Variants in COL11A1 observed in about 807,000 individuals in gnomAD.
The protein encoded by COL11A1 is collagen alpha-1(XI) chain.
Under a neutral mutation model 265.2 loss-of-function variants are expected in COL11A1, and 74 were observed. The ratio of observed to expected loss-of-function variants is 0.28; its 90% confidence interval spans 0.23 to 0.34. COL11A1 has a LOEUF of 0.34. Ranked by LOEUF, COL11A1 falls within the 10% of genes least tolerant of loss-of-function variation. COL11A1 has a pLI of 1.00. For synonymous variants in COL11A1, 816 were observed against 727.6 expected, an observed-to-expected ratio of 1.12 and a Z score of -1.96; for missense variants, 2,165 against 2,263.6, an observed-to-expected ratio of 0.96 and a Z score of 0.88.
chr1:103,050,740 CT>C (rs1423417285), intron 4 of COL11A1, among the ~76,000 whole-genome samples: 3 of 152,000 alleles, frequency 2.0e-5, no homozygotes, highest in Admixed American at 6.5e-5. Context: ...TTTTATCTAC[CT>C]TTGGTCTTTG....
intron 38 of COL11A1, 149 bp downstream of exon 38, chr1:102,965,338 A>C: frequency 1.3e-6 from 1 of 791,582 alleles, no homozygotes; most frequent in African/African-American, 1.7e-5. Flanking sequence ...CATTTGATGT[A>C]CGAAAGCTGC....
intron 7 of COL11A1, 75 bp downstream of exon 7, chr1:103,025,446 C>T: frequency 9.8e-7 from 1 of 1,016,154 alleles, no homozygotes; most frequent in East Asian, 2.4e-5. Context: ...TAGATTCTTC[C>T]AGAGTGAAGT....
chr1:102,951,434 A>G (rs1218863813), intron 41 of COL11A1, among the ~76,000 whole-genome samples: 1 of 152,216 alleles, frequency 6.6e-6, no homozygotes, highest in Non-Finnish European at 1.5e-5. Flanking sequence ...GTGGTGGCTC[A>G]CACCTGTAAT....
chr1:103,102,864 TG>T (rs1269849434), intron 1 of COL11A1, among the ~76,000 whole-genome samples: 2 of 151,994 alleles, frequency 1.3e-5, no homozygotes, highest in African/African-American at 4.8e-5. Flanking sequence ...CTTAATTTGG[TG>T]GGAATACTAG....
intron 23 of COL11A1, 82 bp downstream of exon 23, chr1:103,002,346 A>G (rs1381747118): frequency 8.3e-7 from 1 of 1,201,458 alleles, no homozygotes; most frequent in Non-Finnish European, 1.2e-6. Flanking sequence ...TACATAGAAA[A>G]TTGTGAGACT....
At chr1:102,887,583 C>T (rs12023984) in intron 62 of COL11A1, among the ~76,000 whole-genome samples, 1 of 151,844 alleles carries the variant, frequency 6.6e-6, no homozygotes, top group Admixed American at 6.6e-5. Context: ...CAATGCAACC[C>T]GACTTGAATT....
At chr1:102,964,901 A>G (rs1470499805) in intron 38 of COL11A1, among the ~76,000 whole-genome samples, 1 of 152,200 alleles carries the variant, frequency 6.6e-6, no homozygotes, top group Admixed American at 6.5e-5. Flanking sequence ...ACTATAACTC[A>G]GGATACTGCA....
intron 2 of COL11A1, among the ~76,000 whole-genome samples, chr1:103,082,326 G>A (rs1312222953): frequency 6.6e-6 from 1 of 151,860 alleles, no homozygotes; most frequent in East Asian, 1.9e-4. Flanking sequence ...TCTTTCAACA[G>A]AAACATTTAC....
intron 41 of COL11A1, among the ~76,000 whole-genome samples, chr1:102,952,427 C>T (rs1010817351): frequency 2.6e-5 from 4 of 152,100 alleles, no homozygotes; most frequent in Non-Finnish European, 5.9e-5. Context: ...TATTTAAAAG[C>T]TTAACTGTTT....
rs1473339127 is a variant in COL11A1, at chr1:103,069,647, TATATC to T, written c.651+4966_651+4970del. Among the ~76,000 whole-genome samples the T allele has an allele frequency of 2.6e-5, 4 of 151,748 alleles. No individual in the cohort carries two copies. The East Asian group carries it at 7.7e-4, about 29-fold the overall frequency. On this transcript the variant is annotated intron_variant, in intron 4 of 66. Transcript: ENST00000370096. ...ATACTGGAAAAAATATTTGCAAACATATATCAGACAAAAAATCTTTATGCAGGATA... is the reference window on the plus strand; with the variant it reads ...ATACTGGAAAAAATATTTGCAAACATAGACAAAAAATCTTTATGCAGGATA...
intron 25 of COL11A1, 102 bp from the exon 26 acceptor site, chr1:102,997,226 CTT>C (rs1664717130): frequency 4.5e-6 from 5 of 1,105,948 alleles, no homozygotes; most frequent in Non-Finnish European, 5.5e-6. Flanking sequence ...AGATCTTACT[CTT>C]TAAGTTTCAA....
At chr1:103,031,370 T>C in intron 4 of COL11A1, 126 bp from the exon 5 acceptor site, 1 of 1,178,594 alleles carries the variant, frequency 8.5e-7, no homozygotes, top group Non-Finnish European at 1.2e-6. Flanking sequence ...CCTACTTATA[T>C]TTCAATGTTA....
intron 5 of COL11A1, among the ~76,000 whole-genome samples, chr1:103,028,728 T>C (rs1305916149): frequency 6.6e-6 from 1 of 152,172 alleles, no homozygotes; most frequent in Non-Finnish European, 1.5e-5. Flanking sequence ...TAAAAACCTG[T>C]GCATCTAATG....
At chr1:103,048,345 T>G (rs1669488782) in intron 4 of COL11A1, among the ~76,000 whole-genome samples, 1 of 152,230 alleles carries the variant, frequency 6.6e-6, no homozygotes, top group Non-Finnish European at 1.5e-5. Flanking sequence ...GATGTATGTG[T>G]CGAGGAATTT....
chr1:102,947,301 C>T (rs1486989275), intron 41 of COL11A1, among the ~76,000 whole-genome samples: 1 of 152,076 alleles, frequency 6.6e-6, no homozygotes, highest in South Asian at 2.1e-4. Flanking sequence ...TAACCTCCTA[C>T]ATAAATTTCT....
intron 29 of COL11A1, 61 bp downstream of exon 29, chr1:102,989,457 A>T (rs1161766242): frequency 3.0e-6 from 3 of 1,016,744 alleles, no homozygotes; most frequent in Non-Finnish European, 4.2e-6. Flanking sequence ...AGATAAGCAA[A>T]GGAAAAAATA....
intron 5 of COL11A1, among the ~76,000 whole-genome samples, chr1:103,026,880 A>G (rs34992277): frequency 0.079 from 12,016 of 152,074 alleles, 523 homozygotes; most frequent in Middle Eastern, 0.15. Flanking sequence ...ATACTGTATT[A>G]AAATACTGTA....
At chr1:103,105,387 T>C (rs1442330310) in intron 1 of COL11A1, among the ~76,000 whole-genome samples, 2 of 152,100 alleles carry the variant, frequency 1.3e-5, no homozygotes, top group Non-Finnish European at 2.9e-5. Context: ...TTTTAATGAG[T>C]ATAATAAATA....
At chr1:102,951,501 T>C (rs896407685) in intron 41 of COL11A1, among the ~76,000 whole-genome samples, 1 of 152,074 alleles carries the variant, frequency 6.6e-6, no homozygotes, top group Non-Finnish European at 1.5e-5. Context: ...ATTGAGACCA[T>C]CCTGGCTAAC....
Sources: gnomAD v4.1 joint callset for allele counts (sites outside exome capture counted in the v4.1 genomes callset) on GRCh38, gnomAD v4.1.1 for gene constraint, MANE v1.5 for transcripts, NCBI Gene and HGNC (gene_info 2026-07-23, HGNC 2026-07-21) for gene names.